Variants in SLC7A8 observed in about 807,000 individuals in gnomAD.
SLC7A8 encodes solute carrier family 7 member 8.
Under a neutral mutation model 51.2 loss-of-function variants are expected in SLC7A8, and 30 were observed. That is an observed-to-expected ratio of 0.59 (90% confidence interval 0.44 to 0.80). SLC7A8 has a LOEUF of 0.80. Among genes scored for constraint, SLC7A8 ranks in the 30% least tolerant of loss-of-function variants. The probability of loss-of-function intolerance (pLI) is 0.00; values close to 1 mark genes in which losing one functional copy is unlikely to be tolerated. For missense variants in SLC7A8, 612 were observed against 674.4 expected (o/e 0.91, Z 1.03); for synonymous variants, 257 against 275.8 (o/e 0.93, Z 0.67).
At chr14:23,152,923 A>C (rs958204839) in intron 3 of SLC7A8, among the ~76,000 whole-genome samples, 1 of 152,212 alleles carries the variant, frequency 6.6e-6, no homozygotes, top group Non-Finnish European at 1.5e-5. Context: ...GGATAGGGCC[A>C]CCTGGATACG....
chr14:23,176,748 C>A (rs968722657), intron 1 of SLC7A8, among the ~76,000 whole-genome samples: 4 of 151,952 alleles, frequency 2.6e-5, no homozygotes, highest in African/African-American at 7.3e-5. Flanking sequence ...TCGAGACTAG[C>A]CTGGCCAACA....
chr14:23,163,643 G>T (rs752316010), intron 3 of SLC7A8, among the ~76,000 whole-genome samples: 1 of 152,144 alleles, frequency 6.6e-6, no homozygotes, highest in Non-Finnish European at 1.5e-5. Context: ...AAAGTGTCAG[G>T]ACCTGGGAAA....
Position 23,160,488 on chromosome 14 carries a change from G to A in SLC7A8, c.508+4797C>T, listed in dbSNP as rs1309769323. ...CGGGAGGCTGAGGCAGGAGAATGGC[G>A]TGAACCCGGGAGGCAGAGCTTGCAG... On this transcript the variant is annotated intron_variant, in intron 3 of 10. Transcript: ENST00000316902. Among the ~76,000 whole-genome samples the A allele has an allele frequency of 2.6e-5, 4 of 151,038 alleles. No individual in the cohort carries two copies. The East Asian group carries it at 5.9e-4, about 22-fold the overall frequency.
At chr14:23,168,019 A>G (rs1345513367) in intron 1 of SLC7A8, among the ~76,000 whole-genome samples, 5 of 152,206 alleles carry the variant, frequency 3.3e-5, no homozygotes, top group Admixed American at 3.3e-4. Flanking sequence ...TTTGTCTCAA[A>G]TATGTCTTCC....
At chr14:23,159,118 G>A (rs545710582) in intron 3 of SLC7A8, among the ~76,000 whole-genome samples, 3 of 152,100 alleles carry the variant, frequency 2.0e-5, no homozygotes, top group East Asian at 3.9e-4. Context: ...TTTTGCATAC[G>A]ATTCTCTTCA....
At chr14:23,159,112 G>A (rs924052416) in intron 3 of SLC7A8, among the ~76,000 whole-genome samples, 10 of 152,196 alleles carry the variant, frequency 6.6e-5, no homozygotes, top group Admixed American at 5.9e-4. Flanking sequence ...ATGTGTTTTT[G>A]CATACGATTC....
At chr14:23,154,838 C>T (rs999737216) in intron 3 of SLC7A8, among the ~76,000 whole-genome samples, 3 of 151,972 alleles carry the variant, frequency 2.0e-5, no homozygotes, top group African/African-American at 7.3e-5. Flanking sequence ...CACCTCAAGA[C>T]ATTTTTTAGA....
chr14:23,149,085 G>A (rs1566365175), intron 3 of SLC7A8, among the ~76,000 whole-genome samples: 1 of 152,226 alleles, frequency 6.6e-6, no homozygotes, highest in Non-Finnish European at 1.5e-5. Flanking sequence ...GAAGAGGGTA[G>A]TGAAGGTGAG....
At position 23,128,526 on chromosome 14, in the gene SLC7A8, C is replaced by T. The variant is rs10132060; in HGVS notation, c.1264-330G>A. 0.13 allele frequency among the ~76,000 whole-genome samples: 19,336 copies of T among 152,184 alleles called. 1,762 individuals are homozygous for T. The highest frequency in any genetic ancestry group is 0.26 in the African/African-American group (10,650 of 41,472). ...TGCCCGTGGCAGCCAGAGAAGCCCA[C>T]AGGGATGGAGAAGCTTGCTGGCACA... On this transcript the variant is annotated intron_variant, in intron 9 of 10. Transcript: ENST00000316902. This position sits in a 1 kb window ranked among gnomAD's most constrained non-coding sequence, Gnocchi z 4.3.
chr14:23,137,185 C>T (rs1233214464), intron 7 of SLC7A8, among the ~76,000 whole-genome samples: 1 of 152,174 alleles, frequency 6.6e-6, no homozygotes, highest in African/African-American at 2.4e-5. Flanking sequence ...GGGCCGGGTC[C>T]CTGGATGCAT....
At chr14:23,129,172 A>T (rs1245119362) in intron 9 of SLC7A8, 3 of 167,166 alleles carry the variant, frequency 1.8e-5, no homozygotes, top group African/African-American at 7.2e-5. Context: ...AGGGAGGATC[A>T]TGGGAGGTTG....
At chr14:23,179,015 T>G (rs1202045654) in intron 1 of SLC7A8, among the ~76,000 whole-genome samples, 1 of 152,144 alleles carries the variant, frequency 6.6e-6, no homozygotes, top group Admixed American at 6.5e-5. Context: ...TGGCTCAATT[T>G]TTCTCATAGT....
chr14:23,175,533 C>G (rs753424232), intron 1 of SLC7A8, among the ~76,000 whole-genome samples: 13 of 152,170 alleles, frequency 8.5e-5, no homozygotes, highest in Non-Finnish European at 1.3e-4. Context: ...TTAACTGTGA[C>G]TGTTTAAAAT....
rs1236442105 is a variant in SLC7A8 at position 23,161,925 on chromosome 14, T to A, written c.508+3360A>T. 5.0e-4 allele frequency among the ~76,000 whole-genome samples: 54 copies of A among 107,144 alleles called. 1 individual carries two copies. Among genetic ancestry groups the A allele is most frequent in the South Asian group, 6.5e-4 (2 of 3,092 alleles). 70.3% of individuals were successfully genotyped at this position (107,144 alleles called of 152,430 possible). On this transcript the variant is annotated intron_variant, in intron 3 of 10. Coordinates refer to ENST00000316902, the MANE Select transcript of SLC7A8 (RefSeq NM_012244.4). ...CTGGGTGACAGAGTGAGACTCCATCTAAAAAAAAAAAAAAAAAAAGCATCT... is the reference window on the plus strand; with the variant it reads ...CTGGGTGACAGAGTGAGACTCCATCAAAAAAAAAAAAAAAAAAAAGCATCT...
chr14:23,136,973 C>T (rs2048696127), intron 7 of SLC7A8, among the ~76,000 whole-genome samples: 1 of 152,208 alleles, frequency 6.6e-6, no homozygotes, highest in Admixed American at 6.5e-5. Flanking sequence ...CATTGCACTC[C>T]CTTGTTATTT....
chr14:23,181,458 G>A (rs1485555950), intron 1 of SLC7A8, among the ~76,000 whole-genome samples: 2 of 151,200 alleles, frequency 1.3e-5, no homozygotes, highest in Non-Finnish European at 2.9e-5. Context: ...GGGGTGGGGG[G>A]GGGATGGGAT....
chr14:23,153,065 C>T (rs1183461320), intron 3 of SLC7A8, among the ~76,000 whole-genome samples: 7 of 152,190 alleles, frequency 4.6e-5, no homozygotes, highest in Non-Finnish European at 1.0e-4. Context: ...TGTGTCCAGC[C>T]TCATGGGTGA....
rs781353721 is a variant in SLC7A8 at position 23,140,661 on chromosome 14, C to T, written c.635-37G>A. 4 of 1,591,174 alleles carry T rather than the reference C, an allele frequency of 2.5e-6. No individual in the cohort carries two copies. The South Asian group carries it at 4.5e-5, about 18-fold the overall frequency. On this transcript the variant is annotated intron_variant, in intron 4 of 10. Transcript: ENST00000316902. ...AGCAACAGGAGGCCGCTCAGTGAGA[C>T]AAGTCAGGGGCCCAGCAGCCCCTGG...
intron 3 of SLC7A8, among the ~76,000 whole-genome samples, chr14:23,162,045 A>C (rs1297646114): frequency 1.3e-5 from 2 of 152,054 alleles, no homozygotes; most frequent in Non-Finnish European, 2.9e-5. Flanking sequence ...AAATTCAAAA[A>C]AAGAAGAGAG....
Sources: allele counts gnomAD v4.1 joint callset (sites outside exome capture counted in the v4.1 genomes callset), GRCh38; gene constraint gnomAD v4.1.1; non-coding constraint Gnocchi (gnomAD v3.1); transcripts MANE v1.5; gene names NCBI Gene and HGNC (gene_info 2026-07-23, HGNC 2026-07-21).